Variants in GRIN2B observed in about 807,000 individuals in gnomAD.
The protein encoded by GRIN2B is glutamate receptor ionotropic, NMDA 2B.
In GRIN2B, 5 loss-of-function variants were observed where a neutral mutation model predicts 114.5. The ratio of observed to expected loss-of-function variants is 0.04; its 90% CI spans 0.02 to 0.09. GRIN2B has a LOEUF of 0.09. Among genes scored for constraint, GRIN2B ranks in the 10% least tolerant of loss-of-function variants. The pLI is 1.00. For synonymous variants in GRIN2B, 787 were observed against 745.1 expected, an observed-to-expected ratio of 1.06 and a Z score of -0.92; for missense variants, 1,108 against 1,943.5, an observed-to-expected ratio of 0.57 and a Z score of 8.08.
chr12:13,891,685 T>A (rs534453945), intron 2 of GRIN2B, among the ~76,000 whole-genome samples: 1 of 152,178 alleles, frequency 6.6e-6, no homozygotes, highest in Admixed American at 6.5e-5. Context: ...TGGCAAAAGG[T>A]GTCAGACTGG....
At chr12:13,598,995 C>T (rs1038853198) in intron 10 of GRIN2B, among the ~76,000 whole-genome samples, 8 of 152,298 alleles carry the variant, frequency 5.3e-5, no homozygotes, top group East Asian at 1.9e-4. Flanking sequence ...CTGAGGGAGT[C>T]GGCTTGCCTG....
At chr12:13,661,750 C>T (rs1358623301) in intron 5 of GRIN2B, among the ~76,000 whole-genome samples, 6 of 152,152 alleles carry the variant, frequency 3.9e-5, no homozygotes, top group African/African-American at 1.4e-4. Flanking sequence ...CAACCAAAGG[C>T]GGCCCCGCAG....
At chr12:13,970,402 C>T (rs2136870838) in intron 2 of GRIN2B, among the ~76,000 whole-genome samples, 1 of 152,256 alleles carries the variant, frequency 6.6e-6, no homozygotes, top group African/African-American at 2.4e-5. Flanking sequence ...TCACCCAAAG[C>T]ATTAAGAGGT....
rs3026183 is a variant in GRIN2B at position 13,753,814 on chromosome 12, G to A, written c.513C>T (p.Ile171=). 180 of 1,613,440 alleles carry A rather than the reference G, an allele frequency of 1.1e-4. No homozygotes were observed. The Middle Eastern group carries it at 2.0e-3, about 18-fold the overall frequency. ...GGTAGCCAGGGAAATAGGTGGTGAC[G>A]ATAGAAAAGATGTACCAGTCATATT... The part of the protein sequence containing the change: ...MEEYDWYIFS[I]VTTYFPGYQD... The change falls in exon 4 of 14, where the codon ATC becomes ATT. Residue 171 remains isoleucine, a synonymous_variant. Transcript: ENST00000609686. This position sits in a 1 kb window ranked among gnomAD's most constrained non-coding sequence, Gnocchi z 6.2.
rs753371861 is a variant in GRIN2B, at chr12:13,545,554, G to C, written c.*17229C>G. The C allele has an allele frequency of 6.6e-6, 1 of 152,078 alleles. No individual in the cohort carries two copies. Among genetic ancestry groups the C allele is most frequent in the Non-Finnish European group, 1.5e-5 (1 of 68,012 alleles). 9.4% of individuals were successfully genotyped at this position (152,078 alleles called of 1,614,324 possible). ...CAGTAAACAAAACAATGCAAGCAAG[G>C]AAACAACTCCTCCCCCAAAACCTGG... On this transcript the variant is annotated 3_prime_UTR_variant, in exon 14 of 14. Coordinates refer to ENST00000609686, the MANE Select transcript of GRIN2B (RefSeq NM_000834.5).
At chr12:13,573,945 C>G (rs1192939551) in intron 10 of GRIN2B, among the ~76,000 whole-genome samples, 1 of 152,198 alleles carries the variant, frequency 6.6e-6, no homozygotes. Context: ...CCCTCTCTGA[C>G]TCATCACAGG....
At chr12:13,710,837 A>G (rs918477084) in intron 4 of GRIN2B, among the ~76,000 whole-genome samples, 3 of 152,162 alleles carry the variant, frequency 2.0e-5, no homozygotes, top group African/African-American at 7.2e-5. Context: ...ATCCCCATCA[A>G]GCTACCAATG....
At position 13,615,280 on chromosome 12, in the gene GRIN2B, C is replaced by T. The variant is rs201829637; in HGVS notation, c.1501-13G>A. The stretch of plus-strand genomic sequence containing the variant: ...TCTTCATGACCACCTAAAAGAAAGG[C>T]GCGATGCTCCAATTAAAACATTCAG... On this transcript the variant is annotated splice_polypyrimidine_tract_variant and intron_variant, in intron 7 of 13. Coordinates refer to ENST00000609686, the MANE Select transcript of GRIN2B (RefSeq NM_000834.5). The surrounding 1 kb of genome is among the most constrained non-coding windows in gnomAD (Gnocchi z 5.8). 109 of 1,613,358 alleles carry T rather than the reference C, an allele frequency of 6.8e-5. No individual in the cohort carries two copies. Among genetic ancestry groups the T allele is most frequent in the Middle Eastern group, 6.6e-4 (4 of 6,034 alleles).
At chr12:13,957,022 A>G (rs752199087) in intron 2 of GRIN2B, among the ~76,000 whole-genome samples, 1 of 152,182 alleles carries the variant, frequency 6.6e-6, no homozygotes. Flanking sequence ...TTATTTTCTT[A>G]TAGGCATAAA....
At chr12:13,673,136 G>A (rs1950039040) in intron 5 of GRIN2B, among the ~76,000 whole-genome samples, 1 of 152,146 alleles carries the variant, frequency 6.6e-6, no homozygotes, top group Non-Finnish European at 1.5e-5. Context: ...TAGGGGACAA[G>A]GGAGTGTGAG....
intron 3 of GRIN2B, among the ~76,000 whole-genome samples, chr12:13,826,504 GA>G (rs1865038552): frequency 6.6e-6 from 1 of 152,078 alleles, no homozygotes; most frequent in Non-Finnish European, 1.5e-5. Flanking sequence ...CCACTAAATA[GA>G]TAGTATAGGA....
Position 13,564,770 on chromosome 12 carries a change from AC to A in GRIN2B, c.2599-132del. On this transcript the variant is annotated intron_variant, in intron 13 of 13. Transcript: ENST00000609686. This position sits in a 1 kb window ranked among gnomAD's most constrained non-coding sequence, Gnocchi z 4.8. ...AAGCATGAAGCGAATAGTCTAATAT[AC>A]TATTAGATGTGGCTAGAAGTTTGCC... 2.3e-6 allele frequency: 2 copies of A among 863,526 alleles called. No individual in the cohort carries two copies. The highest frequency in any genetic ancestry group is 3.9e-6 in the Non-Finnish European group (2 of 517,888). The allele number at this position is 863,526 out of a possible 1,614,324, so 53.5% of individuals were successfully genotyped here.
intron 4 of GRIN2B, among the ~76,000 whole-genome samples, chr12:13,698,183 C>T (rs939577467): frequency 1.1e-4 from 16 of 152,268 alleles, no homozygotes; most frequent in African/African-American, 3.9e-4. Context: ...CGCGTGCATG[C>T]TGTTCTATAC....
chr12:13,643,934 A>G (rs1338757304), intron 5 of GRIN2B, among the ~76,000 whole-genome samples: 1 of 152,162 alleles, frequency 6.6e-6, no homozygotes. Flanking sequence ...CCACATCTGT[A>G]GTTAACTCCT....
chr12:13,617,833 G>A (rs1290837250), intron 5 of GRIN2B, among the ~76,000 whole-genome samples: 1 of 152,122 alleles, frequency 6.6e-6, no homozygotes, highest in Non-Finnish European at 1.5e-5. Context: ...AAATCGGCTT[G>A]GATTTCCATA....
chr12:13,874,774 A>G (rs1341563645), intron 2 of GRIN2B, among the ~76,000 whole-genome samples: 2 of 152,206 alleles, frequency 1.3e-5, no homozygotes, highest in Non-Finnish European at 2.9e-5. Context: ...CAGATGATAA[A>G]AGGAGAAGCA....
At chr12:13,635,016 T>C (rs1949655472) in intron 5 of GRIN2B, among the ~76,000 whole-genome samples, 1 of 152,228 alleles carries the variant, frequency 6.6e-6, no homozygotes, top group Non-Finnish European at 1.5e-5. Context: ...TGTGTTCTTC[T>C]TTTTAGTCAA....
chr12:13,856,826 C>T (rs892342587), intron 3 of GRIN2B, among the ~76,000 whole-genome samples: 14 of 152,098 alleles, frequency 9.2e-5, no homozygotes, highest in African/African-American at 3.1e-4. Context: ...ATCCTGTCCC[C>T]GCAAATAAGG....
At chr12:13,884,756 G>A (rs1044366395) in intron 2 of GRIN2B, among the ~76,000 whole-genome samples, 1 of 152,104 alleles carries the variant, frequency 6.6e-6, no homozygotes, top group Non-Finnish European at 1.5e-5. Context: ...GTCAAGCTGA[G>A]GAAGTTCCTT....
Sources: allele counts gnomAD v4.1 joint callset (sites outside exome capture counted in the v4.1 genomes callset), GRCh38; gene constraint gnomAD v4.1.1; non-coding constraint Gnocchi (gnomAD v3.1); transcripts MANE v1.5; gene names NCBI Gene and HGNC (gene_info 2026-07-23, HGNC 2026-07-21).